KCNIP4: variants seen among roughly 807,000 people sequenced by gnomAD.
The protein encoded by KCNIP4 is Kv channel-interacting protein 4.
KCNIP4 carries 12 observed loss-of-function variants against 34.0 expected under a neutral mutation model. The observed-to-expected ratio is 0.35, with a 90% confidence interval of 0.23 to 0.57. The LOEUF is 0.57. Among genes scored for constraint, KCNIP4 ranks in the 20% least tolerant of loss-of-function variants. KCNIP4 has a pLI of 0.83. For missense variants in KCNIP4, 238 were observed against 311.7 expected (o/e 0.76, Z 1.78); for synonymous variants, 124 against 102.2 (o/e 1.21, Z -1.29).
intron 1 of KCNIP4, among the ~76,000 whole-genome samples, chr4:21,944,070 T>C (rs745730463): frequency 1.3e-5 from 2 of 151,990 alleles, no homozygotes; most frequent in Admixed American, 1.3e-4. Flanking sequence ...AAAACTTTCT[T>C]ATGAGTCTGA....
intron 1 of KCNIP4, among the ~76,000 whole-genome samples, chr4:21,019,076 C>T (rs966702576): frequency 3.9e-5 from 6 of 152,140 alleles, no homozygotes; most frequent in South Asian, 2.1e-4. Flanking sequence ...TCCTCCTTGG[C>T]TTACAGATTA....
chr4:21,018,308 A>T (rs1471179105), intron 1 of KCNIP4, among the ~76,000 whole-genome samples: 2 of 152,138 alleles, frequency 1.3e-5, no homozygotes, highest in South Asian at 2.1e-4. Context: ...TGCTTCTGAG[A>T]TGGTATATAT....
In KCNIP4 at chr4:21,610,185, G is replaced by A. The variant is rs1375519078; in HGVS notation, c.61+338386C>T. Reference sequence around the variant, plus strand: ...GGCTACTGTAACAAAACACTACAGAGTGAATGGATAAACCAGCAGAAATTT... The same window carrying A: ...GGCTACTGTAACAAAACACTACAGAATGAATGGATAAACCAGCAGAAATTT... On this transcript the variant is annotated intron_variant, in intron 1 of 8. Coordinates refer to ENST00000382152, the MANE Select transcript of KCNIP4 (RefSeq NM_025221.6). Among the ~76,000 whole-genome samples the A allele has an allele frequency of 2.0e-4, 31 of 152,266 alleles. 1 individual carries two copies. The highest frequency in any genetic ancestry group is 1.9e-3 in the Admixed American group (29 of 15,282).
chr4:21,263,181 C>T (rs1238781776), intron 1 of KCNIP4, among the ~76,000 whole-genome samples: 1 of 152,146 alleles, frequency 6.6e-6, no homozygotes, highest in Non-Finnish European at 1.5e-5. Context: ...TTGTAATATG[C>T]CGTTCTCCTT....
chr4:21,787,735 T>G (rs1194691961), intron 1 of KCNIP4, among the ~76,000 whole-genome samples: 1 of 152,208 alleles, frequency 6.6e-6, no homozygotes, highest in Non-Finnish European at 1.5e-5. Flanking sequence ...AGATCTTGTA[T>G]TTTAAAAACT....
chr4:21,770,788 G>A (rs187434614), intron 1 of KCNIP4, among the ~76,000 whole-genome samples: 192 of 152,104 alleles, frequency 1.3e-3, no homozygotes, highest in Non-Finnish European at 2.4e-3. Context: ...CTTTTTGATG[G>A]GGTTGTTTTT....
chr4:21,574,555 T>TAAATA (rs1740598524), intron 1 of KCNIP4, among the ~76,000 whole-genome samples: 1 of 152,050 alleles, frequency 6.6e-6, no homozygotes, highest in South Asian at 2.1e-4. Flanking sequence ...AATGGGGTGA[T>TAAATA]AAATAAAATA....
At chr4:21,757,168 AAGGAAGGAAGGAAGGAAGGAAGGAAGG>A (rs1717645241) in intron 1 of KCNIP4, among the ~76,000 whole-genome samples, 2 of 48,844 alleles carry the variant, frequency 4.1e-5, no homozygotes, top group Non-Finnish European at 7.6e-5. Context: ...AGAAAGAAAG[AAGGAAGGAAGGAAGGAAGGAAGGAAGG>A]AAGGAAAGAA....
At chr4:21,913,607 T>C (rs369820590) in intron 1 of KCNIP4, among the ~76,000 whole-genome samples, 7 of 152,214 alleles carry the variant, frequency 4.6e-5, no homozygotes, top group African/African-American at 1.7e-4. Flanking sequence ...AAGCAATTTC[T>C]TGTGCCAAGC....
chr4:21,055,949 A>T (rs1743360754), intron 1 of KCNIP4, among the ~76,000 whole-genome samples: 1 of 152,156 alleles, frequency 6.6e-6, no homozygotes. Context: ...ACTTTGGGGA[A>T]TTATGATGTG....
At chr4:21,922,332 T>C (rs1728982055) in intron 1 of KCNIP4, among the ~76,000 whole-genome samples, 1 of 152,176 alleles carries the variant, frequency 6.6e-6, no homozygotes, top group South Asian at 2.1e-4. Context: ...GCAGGGACTT[T>C]GCCTGACTTT....
At chr4:20,777,345 C>T (rs899764736) in intron 3 of KCNIP4, among the ~76,000 whole-genome samples, 1 of 152,178 alleles carries the variant, frequency 6.6e-6, no homozygotes, top group African/African-American at 2.4e-5. Context: ...CCCACTGGAT[C>T]CTTCCCAGAA....
chr4:21,255,647 G>GAAA lies in KCNIP4; in HGVS notation c.62-372941_62-372939dup, dbSNP rs113073511. On this transcript the variant is annotated intron_variant, in intron 1 of 8. Coordinates refer to ENST00000382152, the MANE Select transcript of KCNIP4 (RefSeq NM_025221.6). ...CCTTAGTATCTTTACCTTTAAAATA[G>GAAA]AAAAAAAAAAAAACTAATTCAGGAT... Among the ~76,000 whole-genome samples, 562 of 139,776 alleles carry GAAA rather than the reference G, an allele frequency of 4.0e-3. 4 individuals carry two copies. Among genetic ancestry groups the GAAA allele is most frequent in the Middle Eastern group, 0.012 (3 of 258 alleles). 91.7% of individuals were successfully genotyped at this position (139,776 alleles called of 152,430 possible). A position where few individuals can be genotyped will look rare whatever the true frequency, so the allele number is the denominator to read the frequency against.
At chr4:20,948,557 G>A (rs1732440814) in intron 1 of KCNIP4, among the ~76,000 whole-genome samples, 1 of 152,206 alleles carries the variant, frequency 6.6e-6, no homozygotes, top group African/African-American at 2.4e-5. Context: ...CCAGCAAATG[G>A]CCTCACATTC....
chr4:20,871,446 G>A (rs893722119), intron 2 of KCNIP4, among the ~76,000 whole-genome samples: 3 of 151,980 alleles, frequency 2.0e-5, no homozygotes, highest in African/African-American at 4.8e-5. Flanking sequence ...TTCTTTTATG[G>A]AATGAAGGAA....
chr4:21,076,704 T>TG (rs113748558), intron 1 of KCNIP4, among the ~76,000 whole-genome samples: 4,481 of 152,190 alleles, frequency 0.029, 183 homozygotes, highest in African/African-American at 0.1. Flanking sequence ...TGGGCAGCTA[T>TG]GAGAAATGTC....
intron 1 of KCNIP4, among the ~76,000 whole-genome samples, chr4:20,946,466 A>G (rs544279198): frequency 1.3e-5 from 2 of 152,304 alleles, no homozygotes; most frequent in Non-Finnish European, 2.9e-5. Flanking sequence ...AGGTTGGATC[A>G]TGCAGGGCCT....
At chr4:20,987,998 C>A (rs1468624784) in intron 1 of KCNIP4, among the ~76,000 whole-genome samples, 1 of 36,674 alleles carries the variant, frequency 2.7e-5, no homozygotes, top group Non-Finnish European at 4.4e-5. Flanking sequence ...GAGATTCCAT[C>A]TCAAAAAAAA....
chr4:21,488,004 A>G (rs1224231141), intron 1 of KCNIP4, among the ~76,000 whole-genome samples: 1 of 152,078 alleles, frequency 6.6e-6, no homozygotes, highest in East Asian at 1.9e-4. Context: ...TGTATTAGAA[A>G]CCAAAATCTG....
Sources: gnomAD v4.1 joint callset for allele counts (sites outside exome capture counted in the v4.1 genomes callset) on GRCh38, gnomAD v4.1.1 for gene constraint, MANE v1.5 for transcripts, NCBI Gene and HGNC (gene_info 2026-07-23, HGNC 2026-07-21) for gene names.